MAP1B: variants seen among roughly 807,000 people sequenced by gnomAD.
MAP1B encodes the protein microtubule associated protein 1B.
Under a neutral mutation model 176.1 loss-of-function variants are expected in MAP1B, and 12 were observed. That is an observed-to-expected ratio of 0.07 (90% CI 0.04 to 0.11). The LOEUF (loss-of-function observed/expected upper bound fraction) is 0.11. Ranked by LOEUF, MAP1B falls within the 10% of genes least tolerant of loss-of-function variation. The probability of loss-of-function intolerance (pLI) is 1.00; values close to 1 mark genes in which losing one functional copy is unlikely to be tolerated. For missense variants in MAP1B, 2,523 were observed against 2,990.5 expected (o/e 0.84, Z 3.65); for synonymous variants, 1,044 against 1,135.0 (o/e 0.92, Z 1.61).
intron 2 of MAP1B, among the ~76,000 whole-genome samples, chr5:72,129,579 C>T (rs962667794): frequency 2.6e-5 from 4 of 151,924 alleles, no homozygotes; most frequent in African/African-American, 9.6e-5. Context: ...AAGTAAATAT[C>T]TGTTGATGAA....
chr5:72,158,845 A>G (rs2112176571), intron 2 of MAP1B, among the ~76,000 whole-genome samples: 2 of 152,294 alleles, frequency 1.3e-5, no homozygotes, highest in Middle Eastern at 6.8e-3. Context: ...GGTTTTATGT[A>G]AATGCATATA....
At chr5:72,148,522 C>T (rs1746085869) in intron 2 of MAP1B, among the ~76,000 whole-genome samples, 1 of 152,218 alleles carries the variant, frequency 6.6e-6, no homozygotes, top group African/African-American at 2.4e-5. Flanking sequence ...AGGGGTTGCA[C>T]TTATGAATGT....
chr5:72,151,044 A>G (rs895330078), intron 2 of MAP1B, among the ~76,000 whole-genome samples: 2 of 126,702 alleles, frequency 1.6e-5, no homozygotes, highest in African/African-American at 6.8e-5. Context: ...TATGTAAAAA[A>G]AGAGGGGGTT....
intron 2 of MAP1B, among the ~76,000 whole-genome samples, chr5:72,163,639 C>T (rs75771218): frequency 0.018 from 2,747 of 152,178 alleles, 92 homozygotes; most frequent in East Asian, 0.15. Flanking sequence ...AAGGAGGTGT[C>T]GGGATCATAG....
intron 2 of MAP1B, among the ~76,000 whole-genome samples, chr5:72,118,434 C>T (rs1745469806): frequency 1.3e-5 from 2 of 152,126 alleles, no homozygotes; most frequent in South Asian, 4.1e-4. Context: ...TACAATATAC[C>T]AGGCATTATA....
chr5:72,205,985 G>A lies in MAP1B; in HGVS notation c.*746G>A, dbSNP rs1012681130. ...TAGTGAGTGTAGACTGGCCATGCAA[G>A]TGGTTTGGGCCCCATTCAGAACTCT... On this transcript the variant is annotated 3_prime_UTR_variant, in exon 7 of 7. Coordinates refer to ENST00000296755, the MANE Select transcript of MAP1B (RefSeq NM_005909.5). 1 of 152,566 alleles carries A rather than the reference G, an allele frequency of 6.6e-6. No individual in the cohort carries two copies. The highest frequency in any genetic ancestry group is 1.5e-5 in the Non-Finnish European group (1 of 68,030). The allele number at this position is 152,566 out of a possible 1,614,324, so 9.5% of individuals were successfully genotyped here.
At position 72,199,090 on chromosome 5, in the gene MAP1B, C is replaced by T; in HGVS notation, c.5735C>T (p.Thr1912Ile). 6.2e-7 allele frequency: 1 copy of T among 1,614,040 alleles called. No homozygotes were observed. Among genetic ancestry groups the T allele is most frequent in the Non-Finnish European group, 8.5e-7 (1 of 1,180,000 alleles). The change falls in exon 5 of 7, where the codon ACC becomes ATC. Residue 1912 changes from threonine to isoleucine, a missense_variant. This residue lies in a region of MAP1B where 1,925 missense variants were observed against 2,126.0 expected (regional missense o/e 0.91). Transcript: ENST00000296755. The surrounding 1 kb of genome is among the most constrained non-coding windows in gnomAD (Gnocchi z 4.2). ...GGYYYEKIERTTKSPSDSGYS... is the reference protein window; with the variant it reads ...GGYYYEKIERITKSPSDSGYS... Reference sequence around the variant, plus strand: ...TATTACTATGAGAAGATAGAGAGAACCACAAAATCTCCAAGTGACAGTGGC... The same window carrying T: ...TATTACTATGAGAAGATAGAGAGAATCACAAAATCTCCAAGTGACAGTGGC...
intron 2 of MAP1B, among the ~76,000 whole-genome samples, chr5:72,143,321 G>T (rs764500867): frequency 6.6e-5 from 10 of 152,150 alleles, no homozygotes; most frequent in Non-Finnish European, 1.3e-4. Context: ...CCTTTTTAGG[G>T]CTATGGGGTG....
At chr5:72,180,393 C>G (rs1746741108) in intron 2 of MAP1B, among the ~76,000 whole-genome samples, 1 of 152,168 alleles carries the variant, frequency 6.6e-6, no homozygotes, top group Non-Finnish European at 1.5e-5. Context: ...CTTTGAAGCT[C>G]TTGAAATCTT....
intron 2 of MAP1B, among the ~76,000 whole-genome samples, chr5:72,175,190 G>A (rs1746628336): frequency 6.6e-6 from 1 of 151,312 alleles, no homozygotes; most frequent in Admixed American, 6.6e-5. Context: ...TCAGCCTCCC[G>A]AGTAGCTGAG....
At chr5:72,149,530 A>G (rs1300654956) in intron 2 of MAP1B, among the ~76,000 whole-genome samples, 4 of 152,232 alleles carry the variant, frequency 2.6e-5, no homozygotes, top group East Asian at 3.9e-4. Context: ...TCACTAGCTC[A>G]TTAGTAAGAC....
rs753370331 is a variant in MAP1B, at chr5:72,107,669, C to G, written c.138C>G (p.Ile46Met). ...ACTTGCTGGTGGTCGTCGGCGAGAT[C>G]GTGACCGAGGAGCACCTGCGGCGTG... ...KFYLLVVVGEIVTEEHLRRAI... is the reference protein window; with the variant it reads ...KFYLLVVVGEMVTEEHLRRAI... The change falls in exon 1 of 7, where the codon ATC becomes ATG. Residue 46 changes from isoleucine to methionine, a missense_variant. Transcript: ENST00000296755. 1.2e-6 allele frequency: 2 copies of G among 1,600,066 alleles called. No homozygotes were observed. The highest frequency in any genetic ancestry group is 1.7e-5 in the Admixed American group (1 of 59,980).
intron 3 of MAP1B, among the ~76,000 whole-genome samples, chr5:72,184,482 A>G (rs1360986995): frequency 3.9e-5 from 6 of 152,262 alleles, no homozygotes; most frequent in Admixed American, 3.9e-4. Flanking sequence ...CCAAGTGCTT[A>G]GAACAGAGCA....
At chr5:72,142,538 G>A (rs963203560) in intron 2 of MAP1B, among the ~76,000 whole-genome samples, 17 of 152,160 alleles carry the variant, frequency 1.1e-4, no homozygotes, top group Non-Finnish European at 2.2e-4. Context: ...GGAAACAAAT[G>A]TAAAGTTAAA....
chr5:72,154,331 C>T lies in MAP1B; in HGVS notation c.287-29412C>T, dbSNP rs191347204. Among the ~76,000 whole-genome samples, 52 of 152,310 alleles carry T rather than the reference C, an allele frequency of 3.4e-4. 1 individual carries two copies. The East Asian group carries it at 8.5e-3, about 25-fold the overall frequency. On this transcript the variant is annotated intron_variant, in intron 2 of 6. Coordinates refer to ENST00000296755, the MANE Select transcript of MAP1B (RefSeq NM_005909.5). ...GAGTGACTTTCCTCCAAATGGATAT[C>T]GGGCTGGCATATTTTGGGACCTATT...
chr5:72,193,212 C>A, intron 4 of MAP1B: 2 of 371,654 alleles, frequency 5.4e-6, no homozygotes, highest in Non-Finnish European at 1.1e-5. Flanking sequence ...TAGTAATAGG[C>A]AATCCGTAAC....
At position 72,207,717 on chromosome 5, in the gene MAP1B, A is replaced by T. The variant is rs1747482806; in HGVS notation, c.*2478A>T. On this transcript the variant is annotated 3_prime_UTR_variant, in exon 7 of 7. Transcript: ENST00000296755. ...TACTCAAGATAATTATTTAATGGTT[A>T]GCTCTTAAGTTGAATTGGTCTACAT... 6.6e-6 allele frequency: 1 copy of T among 152,220 alleles called. No homozygotes were observed. The highest frequency in any genetic ancestry group is 2.4e-5 in the African/African-American group (1 of 41,458). 9.4% of individuals were successfully genotyped at this position (152,220 alleles called of 1,614,324 possible). A position where few individuals can be genotyped will look rare whatever the true frequency, so the allele number is the denominator to read the frequency against.
At chr5:72,193,341 CCTTTT>C in intron 4 of MAP1B, 1 of 280,642 alleles carries the variant, frequency 3.6e-6, no homozygotes, top group Non-Finnish European at 6.8e-6. Context: ...ATCCATCAGG[CCTTTT>C]TTTTTTTTTT....
chr5:72,145,080 C>G (rs1305309242), intron 2 of MAP1B, among the ~76,000 whole-genome samples: 1 of 152,136 alleles, frequency 6.6e-6, no homozygotes, highest in Non-Finnish European at 1.5e-5. Context: ...GGACAAATTC[C>G]CTTCTCAGTT....
Sources: allele counts gnomAD v4.1 joint callset (sites outside exome capture counted in the v4.1 genomes callset), GRCh38; gene constraint gnomAD v4.1.1; regional missense constraint gnomAD v4.1.1; non-coding constraint Gnocchi (gnomAD v3.1); transcripts MANE v1.5; gene names NCBI Gene and HGNC (gene_info 2026-07-23, HGNC 2026-07-21).